GRIN2B: variants seen among roughly 807,000 people sequenced by gnomAD.
GRIN2B encodes glutamate receptor ionotropic, NMDA 2B.
In GRIN2B, 5 loss-of-function variants were observed where a neutral mutation model predicts 114.5. The observed-to-expected ratio is 0.04, with a 90% CI of 0.02 to 0.09. The LOEUF is 0.09. Among genes scored for constraint, GRIN2B ranks in the 10% least tolerant of loss-of-function variants. GRIN2B has a pLI of 1.00. For missense variants in GRIN2B, 1,108 were observed against 1,943.5 expected (o/e 0.57, Z 8.08); for synonymous variants, 787 against 745.1 (o/e 1.06, Z -0.92).
intron 3 of GRIN2B, among the ~76,000 whole-genome samples, chr12:13,784,398 C>G (rs1864185506): frequency 6.6e-6 from 1 of 151,964 alleles, no homozygotes; most frequent in Non-Finnish European, 1.5e-5. Flanking sequence ...GGCACAATAG[C>G]TCAATTTGAG....
intron 3 of GRIN2B, among the ~76,000 whole-genome samples, chr12:13,754,125 C>T (rs1228484482): frequency 6.6e-6 from 1 of 152,180 alleles, no homozygotes; most frequent in Non-Finnish European, 1.5e-5. Flanking sequence ...GTCTCCTAGA[C>T]TTTACAGAAA....
intron 3 of GRIN2B, among the ~76,000 whole-genome samples, chr12:13,796,564 G>T (rs1591736671): frequency 6.6e-6 from 1 of 152,208 alleles, no homozygotes; most frequent in Non-Finnish European, 1.5e-5. Flanking sequence ...CAGACAATGA[G>T]TGATGCAAAT....
In GRIN2B at chr12:13,563,774, T is replaced by C. The variant is rs750952904; in HGVS notation, c.3464A>G (p.Tyr1155Cys). Residue 1155 changes from tyrosine (Y) to cysteine (C), a missense_variant, in exon 14 of 14, where the codon TAC (tyrosine) becomes TGC (cysteine). Coordinates refer to ENST00000609686, the MANE Select transcript of GRIN2B (RefSeq NM_000834.5). ...CTTAAAGTCATCACTCCGCTCCTTG[T>C]AGATGTCGGTCAGGTCTACGTGCTC... ...HWEHVDLTDI[Y>C]KERSDDFKRD... 1.9e-6 allele frequency: 3 copies of C among 1,614,090 alleles called. No individual in the cohort carries two copies. Among genetic ancestry groups the C allele is most frequent in the South Asian group, 1.1e-5 (1 of 91,088 alleles).
chr12:13,876,051 C>T (rs141159524), intron 2 of GRIN2B, among the ~76,000 whole-genome samples: 5 of 151,928 alleles, frequency 3.3e-5, no homozygotes, highest in Non-Finnish European at 4.4e-5. Flanking sequence ...GAGCTAAGGA[C>T]GAACAGATAA....
chr12:13,572,481 T>C (rs1289302198), intron 10 of GRIN2B, among the ~76,000 whole-genome samples: 1 of 152,228 alleles, frequency 6.6e-6, no homozygotes, highest in Non-Finnish European at 1.5e-5. Context: ...TAAGAAATTT[T>C]CTTTTGACCT....
intron 3 of GRIN2B, among the ~76,000 whole-genome samples, chr12:13,822,001 T>C (rs1384464178): frequency 6.6e-6 from 1 of 152,186 alleles, no homozygotes; most frequent in Non-Finnish European, 1.5e-5. Context: ...TTCTAATATA[T>C]ATAAGGTATC....
chr12:13,552,716 T>G lies in GRIN2B; in HGVS notation c.*10067A>C, dbSNP rs1479124950. On this transcript the variant is annotated 3_prime_UTR_variant, in exon 14 of 14. Coordinates refer to ENST00000609686, the MANE Select transcript of GRIN2B (RefSeq NM_000834.5). ...GGGTTTTGCTCTAAAATATTAACTATTCTCATTTTCAGGAGCAAGGCTATC... is the reference window on the plus strand; with the variant it reads ...GGGTTTTGCTCTAAAATATTAACTAGTCTCATTTTCAGGAGCAAGGCTATC... 1 of 152,104 alleles carries G rather than the reference T, an allele frequency of 6.6e-6. No homozygotes were observed. The highest frequency in any genetic ancestry group is 2.4e-5 in the African/African-American group (1 of 41,406). The allele number at this position is 152,104 out of a possible 1,614,324, so 9.4% of individuals were successfully genotyped here.
At chr12:13,756,331 A>G (rs1308862326) in intron 3 of GRIN2B, among the ~76,000 whole-genome samples, 1 of 152,124 alleles carries the variant, frequency 6.6e-6, no homozygotes, top group Non-Finnish European at 1.5e-5. Flanking sequence ...TGTTCTTTAT[A>G]AGTTACTCAG....
At chr12:13,786,376 G>A (rs1341668681) in intron 3 of GRIN2B, among the ~76,000 whole-genome samples, 1 of 152,048 alleles carries the variant, frequency 6.6e-6, no homozygotes, top group Non-Finnish European at 1.5e-5. Flanking sequence ...ATTCAATTTT[G>A]CTGGGACCAC....
Position 13,732,532 on chromosome 12 carries a change from C to T in GRIN2B, c.1010+20785G>A, listed in dbSNP as rs141830293. Among the ~76,000 whole-genome samples the T allele has an allele frequency of 3.9e-4, 59 of 152,308 alleles. 1 individual carries two copies. The highest frequency in any genetic ancestry group is 1.2e-3 in the African/African-American group (48 of 41,566). On this transcript the variant is annotated intron_variant, in intron 4 of 13. Transcript: ENST00000609686. ...GATGTATCAAGGCTGTAACTTCAGCCGACCTAGACAATATCCCTCTACTAT... is the reference window on the plus strand; with the variant it reads ...GATGTATCAAGGCTGTAACTTCAGCTGACCTAGACAATATCCCTCTACTAT...
chr12:13,631,796 A>G (rs1949617557), intron 5 of GRIN2B, among the ~76,000 whole-genome samples: 1 of 152,228 alleles, frequency 6.6e-6, no homozygotes, highest in African/African-American at 2.4e-5. Context: ...TTGGCCAGGT[A>G]GTCTACCATT....
intron 4 of GRIN2B, among the ~76,000 whole-genome samples, chr12:13,730,380 G>A (rs1007908527): frequency 1.3e-5 from 2 of 151,948 alleles, no homozygotes; most frequent in Admixed American, 1.3e-4. Context: ...AACCAAACAA[G>A]CTGACTGTGT....
At chr12:13,743,005 G>A (rs183072836) in intron 4 of GRIN2B, among the ~76,000 whole-genome samples, 10 of 152,266 alleles carry the variant, frequency 6.6e-5, no homozygotes, top group Non-Finnish European at 8.8e-5. Flanking sequence ...AGAGTGGAAA[G>A]CTAGCAGGCA....
At chr12:13,887,452 C>A (rs1026313737) in intron 2 of GRIN2B, among the ~76,000 whole-genome samples, 4 of 151,746 alleles carry the variant, frequency 2.6e-5, no homozygotes, top group African/African-American at 7.3e-5. Flanking sequence ...CTGAAAAAAA[C>A]CCAAAAGACT....
intron 5 of GRIN2B, among the ~76,000 whole-genome samples, chr12:13,643,494 T>C (rs1346015584): frequency 1.3e-5 from 2 of 152,152 alleles, no homozygotes; most frequent in Non-Finnish European, 2.9e-5. Flanking sequence ...CGCCTCCACG[T>C]TGATGGCTGC....
intron 4 of GRIN2B, among the ~76,000 whole-genome samples, chr12:13,700,470 A>G (rs1950301571): frequency 6.6e-6 from 1 of 152,014 alleles, no homozygotes; most frequent in Non-Finnish European, 1.5e-5. Flanking sequence ...TACCCCCACT[A>G]CCCTTAACTC....
intron 2 of GRIN2B, among the ~76,000 whole-genome samples, chr12:13,920,725 G>A (rs970188215): frequency 6.6e-5 from 10 of 152,154 alleles, no homozygotes; most frequent in African/African-American, 1.4e-4. Context: ...CAGTTTTGCC[G>A]GTGACATCAG....
chr12:13,753,376 G>A lies in GRIN2B; in HGVS notation c.951C>T (p.Pro317=), dbSNP rs1410392494. Residue 317 remains proline (P), a synonymous_variant, in exon 4 of 14, where the codon CCC becomes CCT. Coordinates refer to ENST00000609686, the MANE Select transcript of GRIN2B (RefSeq NM_000834.5). The surrounding 1 kb of genome is among the most constrained non-coding windows in gnomAD (Gnocchi z 6.2). ...MLSEHSFIPE[P]KSSCYNTHEK... is the part of the protein sequence containing the mutation. ...CGTGGGTGTTGTAACAACTGCTTTTGGGCTCAGGGATGAAGCTGTGCTCAG... is the reference window on the plus strand; with the variant it reads ...CGTGGGTGTTGTAACAACTGCTTTTAGGCTCAGGGATGAAGCTGTGCTCAG... The A allele has an allele frequency of 6.2e-7, 1 of 1,613,834 alleles. No homozygotes were observed.
chr12:13,626,076 A>G (rs532516127), intron 5 of GRIN2B, among the ~76,000 whole-genome samples: 1 of 152,298 alleles, frequency 6.6e-6, no homozygotes, highest in African/African-American at 2.4e-5. Context: ...TCAGAGTCCT[A>G]TTCTTAGACT....
Sources: gnomAD v4.1 joint callset for allele counts (sites outside exome capture counted in the v4.1 genomes callset) on GRCh38, gnomAD v4.1.1 for gene constraint, Gnocchi (gnomAD v3.1) non-coding constraint, MANE v1.5 for transcripts, NCBI Gene and HGNC (gene_info 2026-07-23, HGNC 2026-07-21) for gene names.